The following RBFOX3 variants were observed in gnomAD, a reference collection of about 807,000 sequenced individuals.
RBFOX3 encodes the protein RNA binding protein fox-1 homolog 3.
RBFOX3 carries 17 observed loss-of-function variants against 48.7 expected under a neutral mutation model. That is an observed-to-expected ratio of 0.35 (90% CI 0.24 to 0.52). The LOEUF (loss-of-function observed/expected upper bound fraction) is 0.52, where lower values mean the gene tolerates loss of function less well. RBFOX3 is among the 20% of genes least tolerant of loss of function. The pLI is 0.94. For missense variants in RBFOX3, 382 were observed against 497.5 expected, an observed-to-expected ratio of 0.77 and a Z score of 2.21; for synonymous variants, 212 against 209.5, an observed-to-expected ratio of 1.01 and a Z score of -0.10.
chr17:79,649,500 G>T, the RBFOX3 span, among the ~76,000 whole-genome samples: 1 of 152,230 alleles, frequency 6.6e-6, no homozygotes, highest in East Asian at 1.9e-4. Flanking sequence ...GAGGTCAGGA[G>T]TTCAAGACCA....
Position 79,268,587 on chromosome 17 carries a change from T to C in RBFOX3, c.-73-32782A>G, listed in dbSNP as rs185427523. 1.7e-3 allele frequency among the ~76,000 whole-genome samples: 261 copies of C among 152,252 alleles called. 2 individuals are homozygous for C. Among genetic ancestry groups the C allele is most frequent in the African/African-American group, 6.1e-3 (253 of 41,538 alleles). On this transcript the variant is annotated intron_variant, in intron 3 of 14. Coordinates refer to ENST00000693108, the MANE Select transcript of RBFOX3 (RefSeq NM_001350451.2). ...GGGAAAAGGAAGCTGATCTTCTCCT[T>C]TGTGACCCCAAGCCCCTGGCCTGCA... is the stretch of plus-strand genomic sequence containing the variant.
chr17:79,514,849 C>T (rs2085015917), intron 1 of RBFOX3, among the ~76,000 whole-genome samples: 3 of 152,312 alleles, frequency 2.0e-5, no homozygotes, highest in East Asian at 1.9e-4. Flanking sequence ...GAAATGGAAC[C>T]GTGCAGAAGC....
intron 2 of RBFOX3, among the ~76,000 whole-genome samples, chr17:79,467,915 TCCTGAGC>T (rs1396762997): frequency 3.3e-5 from 5 of 151,926 alleles, no homozygotes; most frequent in African/African-American, 1.2e-4. Flanking sequence ...TCTCTGTGGC[TCCTGAGC>T]ATGGCCTGTC....
intron 1 of RBFOX3, among the ~76,000 whole-genome samples, chr17:79,504,654 T>C (rs1354510077): frequency 6.6e-6 from 1 of 152,182 alleles, no homozygotes; most frequent in African/African-American, 2.4e-5. Context: ...CTGTGTCAAA[T>C]CTCCTTCTGC....
intron 4 of RBFOX3, among the ~76,000 whole-genome samples, chr17:79,117,594 C>T (rs1372806613): frequency 6.6e-6 from 1 of 152,218 alleles, no homozygotes; most frequent in Non-Finnish European, 1.5e-5. Flanking sequence ...CAGTGCCTCC[C>T]CTGGCTAAGG....
chr17:79,607,373 C>G (rs1165741366), intron 1 of RBFOX3, among the ~76,000 whole-genome samples: 5 of 152,096 alleles, frequency 3.3e-5, no homozygotes, highest in African/African-American at 1.2e-4. Flanking sequence ...GGGAGACAAC[C>G]GACCAAAACT....
chr17:79,507,092 C>T (rs911604781), intron 1 of RBFOX3, among the ~76,000 whole-genome samples: 16 of 152,264 alleles, frequency 1.1e-4, no homozygotes, highest in African/African-American at 2.6e-4. Context: ...GGAGCCTGGC[C>T]GGAGGGCCTG....
intron 2 of RBFOX3, among the ~76,000 whole-genome samples, chr17:79,416,482 A>G (rs568843268): frequency 8.5e-5 from 13 of 152,344 alleles, no homozygotes; most frequent in East Asian, 5.8e-4. Flanking sequence ...AGGACGCCCA[A>G]TGGTTCCAGG....
upstream of RBFOX3, among the ~76,000 whole-genome samples, chr17:79,611,746 A>G (rs953249135): frequency 6.6e-6 from 1 of 152,118 alleles, no homozygotes; most frequent in African/African-American, 2.4e-5. Context: ...CACTAGGCCC[A>G]GGTGCCCTGA....
Position 79,509,307 on chromosome 17 carries a change from C to T in RBFOX3, c.-319-26709G>A, listed in dbSNP as rs913207796. Among the ~76,000 whole-genome samples, 630 of 152,194 alleles carry T rather than the reference C, an allele frequency of 4.1e-3. 5 individuals are homozygous for T. The highest frequency in any genetic ancestry group is 9.7e-3 in the South Asian group (47 of 4,832). Reference sequence around the variant, plus strand: ...GTCTCTCTCTAGGACGCTGGAGCTACGGAGGCTACACAAACGGACAAGAAG... The same window carrying T: ...GTCTCTCTCTAGGACGCTGGAGCTATGGAGGCTACACAAACGGACAAGAAG... On this transcript the variant is annotated intron_variant, in intron 1 of 14. Coordinates refer to ENST00000693108, the MANE Select transcript of RBFOX3 (RefSeq NM_001350451.2).
chr17:79,236,815 T>C (rs1012381896), intron 3 of RBFOX3, among the ~76,000 whole-genome samples: 15 of 152,280 alleles, frequency 9.9e-5, no homozygotes, highest in African/African-American at 3.6e-4. Flanking sequence ...CCTGGAGACC[T>C]TCCTTTTCTT....
At chr17:79,168,063 CTTTA>C (rs2048387335) in intron 4 of RBFOX3, among the ~76,000 whole-genome samples, 1 of 152,186 alleles carries the variant, frequency 6.6e-6, no homozygotes, top group Non-Finnish European at 1.5e-5. Context: ...GTGGTTGGCA[CTTTA>C]TTTACGGGGT....
At chr17:79,338,259 G>T (rs1313527493) in intron 2 of RBFOX3, among the ~76,000 whole-genome samples, 1 of 152,036 alleles carries the variant, frequency 6.6e-6, no homozygotes, top group South Asian at 2.1e-4. Context: ...ATTTTTTAAC[G>T]GGCTGGAAGG....
intron 1 of RBFOX3, among the ~76,000 whole-genome samples, chr17:79,493,374 G>A (rs2080982022): frequency 6.6e-6 from 1 of 152,140 alleles, no homozygotes; most frequent in Non-Finnish European, 1.5e-5. Flanking sequence ...CGTATCAAGA[G>A]CATTTCCAGA....
At chr17:79,424,983 G>A (rs1007464) in intron 2 of RBFOX3, among the ~76,000 whole-genome samples, 57,489 of 151,886 alleles carry the variant, frequency 0.38, 11,553 homozygotes, top group East Asian at 0.5. Context: ...CCTGTCGCCC[G>A]ATGGCTTGCT....
chr17:79,275,786 CGGGCT>C (rs2068692269), intron 3 of RBFOX3, among the ~76,000 whole-genome samples: 1 of 152,170 alleles, frequency 6.6e-6, no homozygotes, highest in Non-Finnish European at 1.5e-5. Flanking sequence ...AGGAGGCCCT[CGGGCT>C]GGGCTTGGAG....
At chr17:79,266,347 C>T (rs752654012) in intron 3 of RBFOX3, among the ~76,000 whole-genome samples, 53 of 152,226 alleles carry the variant, frequency 3.5e-4, no homozygotes, top group East Asian at 1.9e-4. Flanking sequence ...TTGTTTGCTT[C>T]AGCTTCTGAT....
chr17:79,395,708 C>T (rs1400704607), intron 2 of RBFOX3, among the ~76,000 whole-genome samples: 1 of 152,348 alleles, frequency 6.6e-6, no homozygotes, highest in East Asian at 1.9e-4. Context: ...GAGGAGGACG[C>T]TGAAGCACAA....
At chr17:79,202,861 G>A (rs2056968854) in intron 4 of RBFOX3, among the ~76,000 whole-genome samples, 1 of 152,212 alleles carries the variant, frequency 6.6e-6, no homozygotes. Context: ...CCACTGTGTG[G>A]GGCAGTCCTT....
Sources: allele counts gnomAD v4.1 joint callset (sites outside exome capture counted in the v4.1 genomes callset), GRCh38; gene constraint gnomAD v4.1.1; transcripts MANE v1.5; gene names NCBI Gene and HGNC (gene_info 2026-07-23, HGNC 2026-07-21).